Variants in PTPRT observed in about 807,000 individuals in gnomAD.
The protein encoded by PTPRT is receptor-type tyrosine-protein phosphatase T.
Under a neutral mutation model 176.8 loss-of-function variants are expected in PTPRT, and 56 were observed. The observed-to-expected ratio is 0.32, with a 90% CI of 0.26 to 0.40. The LOEUF (loss-of-function observed/expected upper bound fraction) is 0.40, where lower values mean the gene tolerates loss of function less well. Among genes scored for constraint, PTPRT ranks in the 10% least tolerant of loss-of-function variants. The probability of loss-of-function intolerance (pLI) is 1.00; values close to 1 mark genes in which losing one functional copy is unlikely to be tolerated. For missense variants in PTPRT, 1,540 were observed against 1,908.2 expected, an observed-to-expected ratio of 0.81 and a Z score of 3.60; for synonymous variants, 783 against 739.0, an observed-to-expected ratio of 1.06 and a Z score of -0.96.
intron 7 of PTPRT, among the ~76,000 whole-genome samples, chr20:42,572,090 G>C (rs1165715981): frequency 6.6e-6 from 1 of 152,134 alleles, no homozygotes; most frequent in Non-Finnish European, 1.5e-5. Context: ...TGTCTGGCGA[G>C]GGTCTGTTCC....
chr20:42,635,241 AAATG>A (rs3063136), intron 7 of PTPRT, among the ~76,000 whole-genome samples: 1,677 of 122,490 alleles, frequency 0.014, 39 homozygotes, highest in African/African-American at 0.11. Context: ...CATTGAAAAC[AAATG>A]AATGTGTCCC....
chr20:42,055,543 G>C, the PTPRT span, among the ~76,000 whole-genome samples: 1 of 152,152 alleles, frequency 6.6e-6, no homozygotes, highest in Non-Finnish European at 1.5e-5. Flanking sequence ...TGAGCTCTGG[G>C]GGCAAGGGAT....
At chr20:42,671,354 C>T (rs1246763592) in intron 7 of PTPRT, among the ~76,000 whole-genome samples, 1 of 152,146 alleles carries the variant, frequency 6.6e-6, no homozygotes, top group Non-Finnish European at 1.5e-5. Flanking sequence ...AGAGTGTAAA[C>T]TTCCCATCAG....
chr20:42,456,624 CT>C (rs1389137876), intron 8 of PTPRT, among the ~76,000 whole-genome samples: 1 of 151,988 alleles, frequency 6.6e-6, no homozygotes, highest in Non-Finnish European at 1.5e-5. Flanking sequence ...TGTATTTCCC[CT>C]CTCCTAGTAT....
chr20:42,721,411 G>A (rs1262117529), intron 6 of PTPRT, among the ~76,000 whole-genome samples: 1 of 152,164 alleles, frequency 6.6e-6, no homozygotes, highest in Non-Finnish European at 1.5e-5. Flanking sequence ...AGGTCTTGGC[G>A]GTGTGGGTGG....
chr20:42,198,915 T>G (rs1427032071), intron 16 of PTPRT, among the ~76,000 whole-genome samples: 1 of 152,220 alleles, frequency 6.6e-6, no homozygotes, highest in Non-Finnish European at 1.5e-5. Context: ...TGGCATATTT[T>G]TCTCCTTAAG....
intron 7 of PTPRT, among the ~76,000 whole-genome samples, chr20:42,583,039 G>C (rs1303229849): frequency 6.6e-6 from 1 of 152,022 alleles, no homozygotes; most frequent in Admixed American, 6.5e-5. Flanking sequence ...TCAGCACAGG[G>C]GCTGGCACAT....
At position 43,157,517 on chromosome 20, in the gene PTPRT, T is replaced by C. The variant is rs146200245; in HGVS notation, c.88+32129A>G. 3.2e-3 allele frequency among the ~76,000 whole-genome samples: 489 copies of C among 152,272 alleles called. 16 individuals carry two copies. In the South Asian group the frequency reaches 0.054, roughly 17 times the overall value. On this transcript the variant is annotated intron_variant, in intron 1 of 30. Transcript: ENST00000373187. Reference sequence around the variant, plus strand: ...CTGCAAGCCAACCCATAGCTGATTATGGTGGGAGGGAGTGGGCACTTTGCA... The same window carrying C: ...CTGCAAGCCAACCCATAGCTGATTACGGTGGGAGGGAGTGGGCACTTTGCA...
chr20:42,437,112 A>AGAT (rs778984752), intron 9 of PTPRT, among the ~76,000 whole-genome samples: 3 of 152,226 alleles, frequency 2.0e-5, no homozygotes, highest in Non-Finnish European at 4.4e-5. Flanking sequence ...GTGCTTATGT[A>AGAT]GATCATAAGT....
chr20:42,851,515 C>A (rs1568634996), intron 2 of PTPRT, among the ~76,000 whole-genome samples: 1 of 152,108 alleles, frequency 6.6e-6, no homozygotes, highest in South Asian at 2.1e-4. Context: ...CTTTTACTCT[C>A]AAAAATGTCC....
chr20:42,199,420 A>C, intron 15 of PTPRT, 32 bp from the exon 16 acceptor site: 3 of 1,607,602 alleles, frequency 1.9e-6, no homozygotes, highest in Non-Finnish European at 2.5e-6. Flanking sequence ...AAAAAACCAC[A>C]GTCAGATGGT....
intron 1 of PTPRT, among the ~76,000 whole-genome samples, chr20:42,896,789 C>G (rs2079307903): frequency 6.6e-6 from 1 of 152,108 alleles, no homozygotes; most frequent in African/African-American, 2.4e-5. Context: ...GATAAAATAC[C>G]TCAACCCCCA....
chr20:42,875,736 T>C (rs920286014), intron 2 of PTPRT, among the ~76,000 whole-genome samples: 1 of 152,198 alleles, frequency 6.6e-6, no homozygotes, highest in African/African-American at 2.4e-5. Context: ...TTCTATTCAC[T>C]GTCTACACTC....
chr20:42,583,138 A>C (rs2073407268), intron 7 of PTPRT, among the ~76,000 whole-genome samples: 1 of 152,042 alleles, frequency 6.6e-6, no homozygotes, highest in Non-Finnish European at 1.5e-5. Flanking sequence ...ATATCTTGCA[A>C]CTCCTTCAAA....
chr20:42,746,577 C>T (rs1191477820), intron 6 of PTPRT, among the ~76,000 whole-genome samples: 1 of 151,940 alleles, frequency 6.6e-6, no homozygotes, highest in Non-Finnish European at 1.5e-5. Flanking sequence ...GGATTTGAAC[C>T]CGAGACCTCT....
Position 42,157,197 on chromosome 20 carries a change from G to A in PTPRT, c.2682+4155C>T, listed in dbSNP as rs530279390. Among the ~76,000 whole-genome samples, 8 of 152,062 alleles carry A rather than the reference G, an allele frequency of 5.3e-5. No homozygotes were observed. In the East Asian group the frequency reaches 5.8e-4, roughly 11 times the overall value. On this transcript the variant is annotated intron_variant, in intron 17 of 30. Coordinates refer to ENST00000373187, the MANE Select transcript of PTPRT (RefSeq NM_007050.6). Reference sequence around the variant, plus strand: ...CCACCATGTCTATATTCCAAGTTTCGTCATCTAATTAAGGACTATCCTTTT... The same window carrying A: ...CCACCATGTCTATATTCCAAGTTTCATCATCTAATTAAGGACTATCCTTTT...
rs1601319052 is a variant in PTPRT at position 42,583,502 on chromosome 20, A to G, written c.1153+94364T>C. The stretch of plus-strand genomic sequence containing the variant: ...ACATTGGGCCTTGTCATGGCTGAAC[A>G]CTGACCTTCCACTGTCATGGCTGAA... On this transcript the variant is annotated intron_variant, in intron 7 of 30. Coordinates refer to ENST00000373187, the MANE Select transcript of PTPRT (RefSeq NM_007050.6). 1.3e-5 allele frequency among the ~76,000 whole-genome samples: 2 copies of G among 152,110 alleles called. 1 individual carries two copies. Among genetic ancestry groups the G allele is most frequent in the Non-Finnish European group, 2.9e-5 (2 of 68,030 alleles).
intron 14 of PTPRT, among the ~76,000 whole-genome samples, chr20:42,242,474 G>T (rs979486932): frequency 6.6e-6 from 1 of 152,138 alleles, no homozygotes; most frequent in Non-Finnish European, 1.5e-5. Context: ...AAATAACATG[G>T]GTCCTCCCAG....
chr20:42,959,764 G>A (rs1428808850), intron 1 of PTPRT, among the ~76,000 whole-genome samples: 1 of 152,272 alleles, frequency 6.6e-6, no homozygotes, highest in Middle Eastern at 3.4e-3. Flanking sequence ...CCATGCACAA[G>A]CCATTCCTTG....
Sources: gnomAD v4.1 joint callset for allele counts (sites outside exome capture counted in the v4.1 genomes callset) on GRCh38, gnomAD v4.1.1 for gene constraint, MANE v1.5 for transcripts, NCBI Gene and HGNC (gene_info 2026-07-23, HGNC 2026-07-21) for gene names.